Variants in ANKFY1 observed in about 807,000 individuals in gnomAD.
ANKFY1 encodes the protein ankyrin repeat and FYVE domain-containing protein 1.
A neutral mutation model predicts 128.3 loss-of-function variants in ANKFY1; 47 were observed. The observed-to-expected ratio is 0.37, with a 90% CI of 0.29 to 0.47. The LOEUF (loss-of-function observed/expected upper bound fraction) is 0.47, where lower values mean the gene tolerates loss of function less well. Ranked by LOEUF, ANKFY1 falls within the 20% of genes least tolerant of loss-of-function variation. The pLI, the probability that ANKFY1 is intolerant of heterozygous loss-of-function variation, is 1.00. For missense variants in ANKFY1, 1,222 were observed against 1,510.6 expected, an observed-to-expected ratio of 0.81 and a Z score of 3.17; for synonymous variants, 553 against 601.6, an observed-to-expected ratio of 0.92 and a Z score of 1.18.
rs1281766585 is a variant in ANKFY1, at chr17:4,167,724, G to C, written c.*55C>G. 6.4e-7 allele frequency: 1 copy of C among 1,553,054 alleles called. No individual in the cohort carries two copies. Among genetic ancestry groups the C allele is most frequent in the East Asian group, 2.3e-5 (1 of 44,168 alleles). ...CTGGGTGGGGTCAGGCTGGTGAGCA[G>C]AGCAGCTGCTGGGGAGGTGACCAAG... is the stretch of plus-strand genomic sequence containing the variant. On this transcript the variant is annotated 3_prime_UTR_variant, in exon 25 of 25. Coordinates refer to ENST00000341657, the MANE Select transcript of ANKFY1 (RefSeq NM_001330063.2). This position sits in a 1 kb window ranked among gnomAD's most constrained non-coding sequence, Gnocchi z 4.1.
intron 22 of ANKFY1, 69 bp from the exon 23 acceptor site, chr17:4,170,930 G>A (rs927580880): frequency 3.6e-5 from 58 of 1,606,332 alleles, no homozygotes; most frequent in Admixed American, 6.7e-5. Flanking sequence ...GACGGAGGGC[G>A]GAGGACAGCC....
chr17:4,181,127 T>TAAG lies in ANKFY1; in HGVS notation c.2240+126_2240+127insCTT. 2 of 734,364 alleles carry TAAG rather than the reference T, an allele frequency of 2.7e-6. No individual in the cohort carries two copies. Among genetic ancestry groups the TAAG allele is most frequent in the South Asian group, 3.6e-5 (2 of 55,396 alleles). 45.5% of individuals were successfully genotyped at this position (734,364 alleles called of 1,614,324 possible). A position where few individuals can be genotyped will look rare whatever the true frequency, so the allele number is the denominator to read the frequency against. On this transcript the variant is annotated intron_variant, in intron 16 of 24. Transcript: ENST00000341657. The surrounding 1 kb of genome is among the most constrained non-coding windows in gnomAD (Gnocchi z 4.9). ...ACATGACAGAACAGTGACTCTCTGA[T>TAAG]AACCTTAACTGTGAAAGTCAAGCCG...
intron 12 of ANKFY1, 55 bp from the exon 13 acceptor site, chr17:4,183,965 T>G (rs1198607566): frequency 6.7e-6 from 10 of 1,485,142 alleles, no homozygotes; most frequent in Non-Finnish European, 9.4e-6. Context: ...TGGATCACAC[T>G]TAAAGCTTCA....
chr17:4,172,396 C>T (rs1286752064), intron 22 of ANKFY1, among the ~76,000 whole-genome samples, 160 bp downstream of exon 22: 1 of 152,122 alleles, frequency 6.6e-6, no homozygotes, highest in Non-Finnish European at 1.5e-5. Flanking sequence ...TCAGACACCC[C>T]AGACTCCACA....
chr17:4,195,560 T>TCACC, intron 8 of ANKFY1, 89 bp from the exon 9 acceptor site: 2 of 959,682 alleles, frequency 2.1e-6, no homozygotes, highest in Admixed American at 4.1e-5. Flanking sequence ...CCAGGCAGAA[T>TCACC]CACCACCCGC....
At chr17:4,263,492 C>A (rs1304338624) in intron 1 of ANKFY1, 20 of 1,201,938 alleles carry the variant, frequency 1.7e-5, no homozygotes, top group Non-Finnish European at 2.2e-5. Flanking sequence ...CACCCCAACC[C>A]AGCCCGAGGA....
chr17:4,173,543 G>C (rs2059361158), intron 20 of ANKFY1, 99 bp from the exon 21 acceptor site: 2 of 1,137,656 alleles, frequency 1.8e-6, no homozygotes, highest in South Asian at 1.3e-5. Context: ...ATGGGACCCG[G>C]CCACAGCAGC....
chr17:4,261,597 G>A (rs1287112927), intron 1 of ANKFY1, among the ~76,000 whole-genome samples: 1 of 152,226 alleles, frequency 6.6e-6, no homozygotes, highest in Non-Finnish European at 1.5e-5. Flanking sequence ...TGTTTATGGA[G>A]AGACACCCCA....
rs761007382 is a variant in ANKFY1 at position 4,179,779 on chromosome 17, C to G, written c.2339G>C (p.Trp780Ser). Residue 780 changes from tryptophan to serine, a missense_variant, in exon 17 of 25, where the codon TGG becomes TCG. Transcript: ENST00000341657. ...ACACTGTACTGTCTCTTCCAGCCCC[C>G]AAGAGGCTGCCAAATGCAAAGGGGT... ...GQTPLHLAAS[W>S]GLEETVQCLL... 6.2e-7 allele frequency: 1 copy of G among 1,614,250 alleles called. No homozygotes were observed. Among genetic ancestry groups the G allele is most frequent in the South Asian group, 1.1e-5 (1 of 91,092 alleles).
At chr17:4,260,020 C>CA (rs1325560755) in intron 1 of ANKFY1, among the ~76,000 whole-genome samples, 5 of 151,988 alleles carry the variant, frequency 3.3e-5, no homozygotes, top group Admixed American at 6.6e-5. Context: ...ACAAAGAACG[C>CA]AAAAAAGTCA....
intron 16 of ANKFY1, among the ~76,000 whole-genome samples, chr17:4,180,796 A>G (rs2059501209): frequency 1.3e-5 from 2 of 151,820 alleles, no homozygotes; most frequent in Non-Finnish European, 2.9e-5. Context: ...AAAGAAAGAA[A>G]ACCAGAAAAC....
In ANKFY1 at chr17:4,195,021, G is replaced by A. The variant is rs776382333; in HGVS notation, c.1329C>T (p.Leu443=). 6.2e-7 allele frequency: 1 copy of A among 1,614,212 alleles called. No homozygotes were observed. The highest frequency in any genetic ancestry group is 8.5e-7 in the Non-Finnish European group (1 of 1,180,054). The part of the protein sequence containing the change: ...SFDENSFAAR[L]IQRGSHTDAP... ...CGTCTGTGTGGCTGCCGCGCTGGAT[G>A]AGTCTGGCTGCAAAGCTGTTCTCAT... Residue 443 remains leucine (L), a synonymous_variant, in exon 10 of 25, where the codon CTC becomes CTT. Transcript: ENST00000341657.
At chr17:4,220,331 AT>A (rs1423288994) in intron 3 of ANKFY1, among the ~76,000 whole-genome samples, 1 of 152,166 alleles carries the variant, frequency 6.6e-6, no homozygotes, top group South Asian at 2.1e-4. Context: ...AACAAAAAAA[AT>A]GTAGGCCATG....
At chr17:4,227,782 G>A (rs2060448876) in intron 3 of ANKFY1, among the ~76,000 whole-genome samples, 1 of 152,042 alleles carries the variant, frequency 6.6e-6, no homozygotes, top group Non-Finnish European at 1.5e-5. Context: ...TATTATCAGG[G>A]GAATGCAAAA....
At chr17:4,225,621 AAAC>A (rs1161331409) in intron 3 of ANKFY1, among the ~76,000 whole-genome samples, 2 of 152,170 alleles carry the variant, frequency 1.3e-5, no homozygotes, top group East Asian at 1.9e-4. Flanking sequence ...ACAGAGTACA[AAAC>A]AACAACGACC....
intron 19 of ANKFY1, among the ~76,000 whole-genome samples, chr17:4,174,447 G>A (rs35841384): frequency 9.2e-5 from 14 of 152,240 alleles, no homozygotes; most frequent in African/African-American, 3.1e-4. Context: ...ACAAACAGTA[G>A]AGTAAGATGA....
chr17:4,249,149 C>G (rs768836613), intron 1 of ANKFY1: 2 of 984,968 alleles, frequency 2.0e-6, no homozygotes, highest in Non-Finnish European at 2.4e-6. Context: ...TTAGAACACT[C>G]TTCCTTCTAG....
chr17:4,182,631 G>A (rs2059535996), intron 14 of ANKFY1, among the ~76,000 whole-genome samples: 1 of 152,136 alleles, frequency 6.6e-6, no homozygotes, highest in Non-Finnish European at 1.5e-5. Flanking sequence ...GCCACTCCAA[G>A]AACCCTCCTG....
rs1007161152 is a variant in ANKFY1, at chr17:4,208,532, A to G, written c.583-450T>C. Among the ~76,000 whole-genome samples, 3 of 152,156 alleles carry G rather than the reference A, an allele frequency of 2.0e-5. No homozygotes were observed. In the South Asian group the frequency reaches 6.2e-4, roughly 32 times the overall value. On this transcript the variant is annotated intron_variant, in intron 5 of 24. Transcript: ENST00000341657. ...CCAACTTCCACAAACAAGTCACTCC[A>G]CTGAGTCGCAGCTGGTCCCTATTAT...
Sources: gnomAD v4.1 joint callset for allele counts (sites outside exome capture counted in the v4.1 genomes callset) on GRCh38, gnomAD v4.1.1 for gene constraint, Gnocchi (gnomAD v3.1) non-coding constraint, MANE v1.5 for transcripts, NCBI Gene and HGNC (gene_info 2026-07-23, HGNC 2026-07-21) for gene names.